ARSB: variants seen among roughly 807,000 people sequenced by gnomAD.
ARSB encodes N-acetylgalactosamine-4-sulfatase.
In ARSB, 41 loss-of-function variants were observed where a neutral mutation model predicts 50.9. The ratio of observed to expected loss-of-function variants is 0.81; its 90% CI spans 0.63 to 1.04. The LOEUF is 1.04. ARSB is among the 50% of genes least tolerant of loss of function. ARSB has a pLI of 0.00. For synonymous variants in ARSB, 269 were observed against 284.8 expected (o/e 0.94, Z 0.56); for missense variants, 672 against 693.3 (o/e 0.97, Z 0.35).
chr5:78,854,047 G>A (rs896081981), intron 5 of ARSB, among the ~76,000 whole-genome samples: 21 of 152,340 alleles, frequency 1.4e-4, no homozygotes, highest in South Asian at 1.0e-3. Context: ...TTAGGCTTGC[G>A]CATGGTGCGC....
chr5:78,963,919 A>G (rs1175317835), intron 3 of ARSB, among the ~76,000 whole-genome samples: 1 of 152,212 alleles, frequency 6.6e-6, no homozygotes, highest in Non-Finnish European at 1.5e-5. Flanking sequence ...ATATTCTTGT[A>G]GGGAGGAAGT....
intron 6 of ARSB, among the ~76,000 whole-genome samples, chr5:78,810,527 A>T (rs1031015086): frequency 2.0e-5 from 3 of 152,228 alleles, no homozygotes; most frequent in African/African-American, 7.2e-5. Context: ...GGCAGGGGGT[A>T]GAGTTTGTCT....
intron 4 of ARSB, among the ~76,000 whole-genome samples, chr5:78,946,692 G>A (rs943617952): frequency 9.9e-5 from 15 of 152,070 alleles, no homozygotes; most frequent in Admixed American, 2.6e-4. Flanking sequence ...TTGTTAAAAC[G>A]TCCATACTAC....
intron 4 of ARSB, among the ~76,000 whole-genome samples, chr5:78,893,217 T>C (rs573247909): frequency 6.6e-6 from 1 of 152,316 alleles, no homozygotes; most frequent in East Asian, 1.9e-4. Flanking sequence ...TCCACCGTGA[T>C]TGTGAGGTCT....
intron 5 of ARSB, among the ~76,000 whole-genome samples, chr5:78,852,681 C>T (rs1248590224): frequency 2.0e-5 from 3 of 152,184 alleles, no homozygotes; most frequent in Admixed American, 6.6e-5. Flanking sequence ...CTCCCCGTCA[C>T]TTTCAGGTAC....
chr5:78,954,690 A>C (rs1456149618), intron 4 of ARSB, among the ~76,000 whole-genome samples: 3 of 152,070 alleles, frequency 2.0e-5, no homozygotes, highest in Non-Finnish European at 4.4e-5. Flanking sequence ...TTTTTAGTAG[A>C]GAAGAGGTTT....
chr5:78,817,100 T>G, intron 6 of ARSB: 1 of 985,438 alleles, frequency 1.0e-6, no homozygotes. Context: ...AGTACCCTCC[T>G]TGTCTTCCGG....
At chr5:78,792,149 C>T (rs181681491) in intron 6 of ARSB, among the ~76,000 whole-genome samples, 12 of 152,208 alleles carry the variant, frequency 7.9e-5, no homozygotes, top group South Asian at 4.1e-4. Flanking sequence ...GAGGCTGAGG[C>T]GGGCAGATCA....
chr5:78,887,092 T>C (rs778890094), intron 4 of ARSB, among the ~76,000 whole-genome samples: 3 of 152,222 alleles, frequency 2.0e-5, no homozygotes, highest in African/African-American at 7.2e-5. Context: ...CAATCACTAA[T>C]TGATTTAGTC....
intron 5 of ARSB, among the ~76,000 whole-genome samples, chr5:78,874,666 A>G (rs765934951): frequency 2.6e-5 from 4 of 152,160 alleles, no homozygotes; most frequent in Non-Finnish European, 4.4e-5. Context: ...ATATTTATAA[A>G]TATGTATAAA....
chr5:78,976,797 AC>A (rs1752690689), intron 1 of ARSB, among the ~76,000 whole-genome samples: 1 of 152,194 alleles, frequency 6.6e-6, no homozygotes, highest in African/African-American at 2.4e-5. Flanking sequence ...AAAAACTGAC[AC>A]AAAAAAAGTT....
intron 4 of ARSB, among the ~76,000 whole-genome samples, chr5:78,937,769 T>C (rs1750704576): frequency 6.6e-6 from 1 of 151,908 alleles, no homozygotes; most frequent in Non-Finnish European, 1.5e-5. Context: ...GGTTATTGAT[T>C]TCGGAACTTC....
chr5:78,818,495 G>T (rs938132235), intron 6 of ARSB, among the ~76,000 whole-genome samples: 44 of 151,404 alleles, frequency 2.9e-4, no homozygotes, highest in African/African-American at 1.1e-3. Context: ...ATGGTGCTCA[G>T]CAGAATGGCC....
At chr5:78,798,990 A>G (rs55640029) in intron 6 of ARSB, among the ~76,000 whole-genome samples, 11,198 of 152,250 alleles carry the variant, frequency 0.074, 621 homozygotes, top group African/African-American at 0.15. Context: ...AACTCTTTCC[A>G]GCCTCCTCTA....
chr5:78,825,623 C>G (rs1017976841), intron 6 of ARSB, among the ~76,000 whole-genome samples: 1 of 152,128 alleles, frequency 6.6e-6, no homozygotes, highest in African/African-American at 2.4e-5. Context: ...GTATTTATGT[C>G]ACAAATAATT....
intron 5 of ARSB, among the ~76,000 whole-genome samples, chr5:78,855,001 ACAG>A (rs1250634716): frequency 3.3e-5 from 5 of 152,194 alleles, no homozygotes; most frequent in African/African-American, 1.2e-4. Context: ...AATGTGCAGC[ACAG>A]CAATGACTCC....
chr5:78,899,197 C>T (rs529497970), intron 4 of ARSB, among the ~76,000 whole-genome samples: 2 of 152,250 alleles, frequency 1.3e-5, no homozygotes, highest in Non-Finnish European at 2.9e-5. Flanking sequence ...ATTAGAGCTA[C>T]TTTACGTGTT....
intron 5 of ARSB, among the ~76,000 whole-genome samples, chr5:78,851,746 G>A (rs962501605): frequency 2.8e-4 from 43 of 152,206 alleles, no homozygotes; most frequent in African/African-American, 9.4e-4. Flanking sequence ...GGGTGCTCCT[G>A]TATTGGTTGC....
At position 78,938,166 on chromosome 5, in the gene ARSB, G is replaced by A. The variant is rs555077461; in HGVS notation, c.898+17129C>T. 1.4e-4 allele frequency among the ~76,000 whole-genome samples: 21 copies of A among 152,284 alleles called. No homozygotes were observed. The South Asian group carries it at 4.2e-3, about 30-fold the overall frequency. ...ACAGCCAGAGACAAAGAGGGGAGGT[G>A]GGACTACCATCCCCAGCCCTGGAAC... On this transcript the variant is annotated intron_variant, in intron 4 of 7. Transcript: ENST00000264914.
Sources: gnomAD v4.1 joint callset for allele counts (sites outside exome capture counted in the v4.1 genomes callset) on GRCh38, gnomAD v4.1.1 for gene constraint, MANE v1.5 for transcripts, NCBI Gene and HGNC (gene_info 2026-07-23, HGNC 2026-07-21) for gene names.